SHB: variants seen among roughly 807,000 people sequenced by gnomAD.
SHB encodes SH2 domain-containing adapter protein B.
A neutral mutation model predicts 52.3 loss-of-function variants in SHB; 20 were observed. That is an observed-to-expected ratio of 0.38 (90% CI 0.27 to 0.56). SHB has a LOEUF of 0.56. Among genes scored for constraint, SHB ranks in the 20% least tolerant of loss-of-function variants. The probability of loss-of-function intolerance (pLI) is 0.71; values close to 1 mark genes in which losing one functional copy is unlikely to be tolerated. For missense variants in SHB, 825 were observed against 723.3 expected, an observed-to-expected ratio of 1.14 and a Z score of -1.61; for synonymous variants, 397 against 316.5, an observed-to-expected ratio of 1.25 and a Z score of -2.70.
chr9:38,005,411 G>A lies in SHB; in HGVS notation c.838+10600C>T, dbSNP rs1463102491. On this transcript the variant is annotated intron_variant, in intron 2 of 5. Coordinates refer to ENST00000377707, the MANE Select transcript of SHB (RefSeq NM_003028.3). The stretch of plus-strand genomic sequence containing the variant: ...AAGCTGGCTGAAAGGGAGAAGGCAG[G>A]ACTCTCCAGGAGATGGGGAAGAGCA... Among the ~76,000 whole-genome samples, 3 of 152,300 alleles carry A rather than the reference G, an allele frequency of 2.0e-5. No homozygotes were observed. The East Asian group carries it at 5.8e-4, about 29-fold the overall frequency.
intron 2 of SHB, among the ~76,000 whole-genome samples, chr9:37,990,258 G>A (rs1820866420): frequency 1.3e-5 from 2 of 152,124 alleles, no homozygotes; most frequent in South Asian, 4.1e-4. Flanking sequence ...GGGTGTTGGA[G>A]GTGGTACAGG....
intron 1 of SHB, among the ~76,000 whole-genome samples, chr9:38,066,418 TAA>T (rs1318348266): frequency 4.7e-4 from 71 of 152,294 alleles, no homozygotes; most frequent in African/African-American, 1.5e-3. Context: ...CAGCCATGCA[TAA>T]GACTGCACGG....
At chr9:37,920,613 G>A (rs572144901) in intron 5 of SHB, among the ~76,000 whole-genome samples, 1 of 152,366 alleles carries the variant, frequency 6.6e-6, no homozygotes, top group East Asian at 1.9e-4. Context: ...TTAGCCACTG[G>A]AAGGTGGGCA....
chr9:38,001,167 GA>G (rs1160799444), intron 2 of SHB, among the ~76,000 whole-genome samples: 1 of 152,218 alleles, frequency 6.6e-6, no homozygotes, highest in East Asian at 1.9e-4. Context: ...CAGCAGGCAA[GA>G]AAGCACTTGC....
At chr9:38,067,873 T>C (rs1821990723) in intron 1 of SHB, 56 bp downstream of exon 1, 36 of 1,404,742 alleles carry the variant, frequency 2.6e-5, no homozygotes, top group Non-Finnish European at 3.2e-5. Context: ...GTGCCTCGGT[T>C]TCCCCGTGCG....
intron 3 of SHB, among the ~76,000 whole-genome samples, chr9:37,971,916 T>C (rs965781971): frequency 4.6e-5 from 7 of 152,204 alleles, no homozygotes; most frequent in African/African-American, 1.4e-4. Flanking sequence ...AATAGGGGAA[T>C]TGCTTTTCAC....
intron 2 of SHB, among the ~76,000 whole-genome samples, chr9:38,008,254 T>C (rs917197292): frequency 3.9e-5 from 6 of 152,022 alleles, no homozygotes; most frequent in Non-Finnish European, 8.8e-5. Context: ...GGTGAGAGAA[T>C]AGGAAGTGGC....
At chr9:38,043,220 A>G (rs1049233613) in intron 1 of SHB, among the ~76,000 whole-genome samples, 26 of 152,224 alleles carry the variant, frequency 1.7e-4, no homozygotes, top group African/African-American at 3.1e-4. Flanking sequence ...CTTGTGTCCA[A>G]TGCTCTGCCC....
At chr9:37,952,165 G>A (rs1385015882) in intron 4 of SHB, among the ~76,000 whole-genome samples, 2 of 152,188 alleles carry the variant, frequency 1.3e-5, no homozygotes, top group East Asian at 3.9e-4. Context: ...AGAGATACAG[G>A]AAACAATTCC....
chr9:37,950,791 C>A (rs967982816), intron 4 of SHB, among the ~76,000 whole-genome samples: 4 of 152,178 alleles, frequency 2.6e-5, no homozygotes, highest in Non-Finnish European at 5.9e-5. Context: ...TGATGTGGGG[C>A]GAGTCTTAAC....
At chr9:38,012,541 G>A (rs1488662739) in intron 2 of SHB, among the ~76,000 whole-genome samples, 1 of 151,986 alleles carries the variant, frequency 6.6e-6, no homozygotes, top group Non-Finnish European at 1.5e-5. Flanking sequence ...GTAAATATGG[G>A]GGCATACAAC....
intron 5 of SHB, among the ~76,000 whole-genome samples, chr9:37,945,359 C>T (rs546485724): frequency 5.3e-5 from 8 of 152,310 alleles, no homozygotes; most frequent in East Asian, 1.9e-4. Context: ...GTTCCCCTTG[C>T]GGTTGAGGTG....
intron 2 of SHB, among the ~76,000 whole-genome samples, chr9:37,997,388 C>T (rs550665384): frequency 7.9e-5 from 12 of 152,336 alleles, no homozygotes; most frequent in African/African-American, 1.9e-4. Context: ...CCTAGACAGC[C>T]CCTTCCCTCC....
At chr9:38,025,167 C>T (rs1346200797) in intron 1 of SHB, among the ~76,000 whole-genome samples, 1 of 152,222 alleles carries the variant, frequency 6.6e-6, no homozygotes, top group Non-Finnish European at 1.5e-5. Flanking sequence ...AACCCCCCTA[C>T]CTCCCCTTAC....
At chr9:38,023,669 C>A (rs1281957621) in intron 1 of SHB, among the ~76,000 whole-genome samples, 2 of 152,154 alleles carry the variant, frequency 1.3e-5, no homozygotes, top group Admixed American at 1.3e-4. Context: ...TTTTTCCCCC[C>A]TTTCCTGCTT....
rs551569128 is a variant in SHB at position 37,928,978 on chromosome 9, G to A, written c.1347-8974C>T. ...AGCTGCCGAGGGGAGGACTTGGAGC[G>A]CACAATGGCTTTTATAGCCCAAAGG... is the stretch of plus-strand genomic sequence containing the variant. On this transcript the variant is annotated intron_variant, in intron 5 of 5. Coordinates refer to ENST00000377707, the MANE Select transcript of SHB (RefSeq NM_003028.3). Among the ~76,000 whole-genome samples, 23 of 152,354 alleles carry A rather than the reference G, an allele frequency of 1.5e-4. No homozygotes were observed. The South Asian group carries it at 2.9e-3, about 19-fold the overall frequency.
intron 3 of SHB, among the ~76,000 whole-genome samples, chr9:37,960,112 T>G (rs750573635): frequency 6.6e-6 from 1 of 152,214 alleles, no homozygotes; most frequent in Non-Finnish European, 1.5e-5. Flanking sequence ...TAGCCATATA[T>G]CTTAGAGAGA....
At chr9:38,041,321 G>A (rs1372851426) in intron 1 of SHB, among the ~76,000 whole-genome samples, 1 of 152,206 alleles carries the variant, frequency 6.6e-6, no homozygotes, top group Non-Finnish European at 1.5e-5. Context: ...CGGGGGCTGT[G>A]TATGGGGAAG....
chr9:38,028,901 G>A (rs746826344), intron 1 of SHB, among the ~76,000 whole-genome samples: 31 of 152,120 alleles, frequency 2.0e-4, no homozygotes, highest in East Asian at 3.9e-4. Context: ...GCCATTCCAC[G>A]GGGTGGTAGG....
Sources: allele counts gnomAD v4.1 joint callset (sites outside exome capture counted in the v4.1 genomes callset), GRCh38; gene constraint gnomAD v4.1.1; transcripts MANE v1.5; gene names NCBI Gene and HGNC (gene_info 2026-07-23, HGNC 2026-07-21).